Variants in SORCS2 observed in about 807,000 individuals in gnomAD.
SORCS2 encodes sortilin related VPS10 domain containing receptor 2, also known as VPS10 domain-containing receptor SorCS2.
Under a neutral mutation model 141.6 loss-of-function variants are expected in SORCS2, and 100 were observed. The observed-to-expected ratio is 0.71, with a 90% confidence interval of 0.60 to 0.83. The LOEUF (loss-of-function observed/expected upper bound fraction) is 0.83. SORCS2 is among the 40% of genes least tolerant of loss of function. The pLI, the probability that SORCS2 is intolerant of heterozygous loss-of-function variation, is 0.00. For synonymous variants in SORCS2, 789 were observed against 676.9 expected, an observed-to-expected ratio of 1.17 and a Z score of -2.57; for missense variants, 1,646 against 1,560.2, an observed-to-expected ratio of 1.05 and a Z score of -0.93.
intron 2 of SORCS2, among the ~76,000 whole-genome samples, chr4:7,500,256 G>A (rs1018377511): frequency 3.3e-5 from 5 of 152,076 alleles, no homozygotes; most frequent in East Asian, 3.9e-4. Flanking sequence ...GGGAGGTCAC[G>A]CCTGGAGGAG....
intron 3 of SORCS2, among the ~76,000 whole-genome samples, chr4:7,632,156 C>A (rs773618857): frequency 7.2e-5 from 11 of 152,184 alleles, no homozygotes; most frequent in Non-Finnish European, 1.3e-4. Flanking sequence ...TGTGTCTGCC[C>A]CTGACCATTT....
At chr4:7,209,111 G>A (rs998045339) in intron 1 of SORCS2, among the ~76,000 whole-genome samples, 17 of 152,236 alleles carry the variant, frequency 1.1e-4, no homozygotes, top group African/African-American at 4.1e-4. Context: ...TTCCCTAGGA[G>A]GGAAAGGACA....
At chr4:7,674,934 C>T (rs532602864) in intron 8 of SORCS2, among the ~76,000 whole-genome samples, 3 of 152,298 alleles carry the variant, frequency 2.0e-5, no homozygotes, top group South Asian at 2.1e-4. Flanking sequence ...TGGGGCCAGC[C>T]GGACCCTCCT....
At chr4:7,643,834 G>A (rs922496456) in intron 4 of SORCS2, among the ~76,000 whole-genome samples, 22 of 152,260 alleles carry the variant, frequency 1.4e-4, no homozygotes, top group African/African-American at 5.3e-4. Context: ...ATATCAGCAG[G>A]TTCATGAACT....
At chr4:7,285,705 C>T (rs186654050) in intron 1 of SORCS2, among the ~76,000 whole-genome samples, 23 of 152,340 alleles carry the variant, frequency 1.5e-4, no homozygotes, top group East Asian at 7.7e-4. Context: ...TCTTCCTTCT[C>T]GCTGGAGGAC....
At chr4:7,531,424 G>T in intron 2 of SORCS2, 106 bp from the exon 3 acceptor site, 1 of 1,015,092 alleles carries the variant, frequency 9.9e-7, no homozygotes, top group Non-Finnish European at 1.5e-6. Flanking sequence ...GGGTGTCTGG[G>T]GCACTCGGCC....
chr4:7,727,945 G>T (rs1185947498), intron 21 of SORCS2, among the ~76,000 whole-genome samples: 4 of 152,240 alleles, frequency 2.6e-5, no homozygotes, highest in Admixed American at 6.5e-5. Context: ...ATCCCTGATG[G>T]ATGAGAGGCT....
At chr4:7,472,184 C>A (rs1404757891) in intron 2 of SORCS2, among the ~76,000 whole-genome samples, 1 of 151,634 alleles carries the variant, frequency 6.6e-6, no homozygotes, top group Non-Finnish European at 1.5e-5. Context: ...ACAGAGGGGC[C>A]TCAGACCCAA....
chr4:7,624,650 A>AG (rs1719408825), intron 3 of SORCS2, among the ~76,000 whole-genome samples: 1 of 152,256 alleles, frequency 6.6e-6, no homozygotes, highest in Non-Finnish European at 1.5e-5. Flanking sequence ...CTGTTCAATT[A>AG]GGGGGCAGAT....
intron 3 of SORCS2, among the ~76,000 whole-genome samples, chr4:7,555,321 A>G (rs1714028934): frequency 6.6e-6 from 1 of 152,240 alleles, no homozygotes; most frequent in Admixed American, 6.5e-5. Flanking sequence ...AGCAGGCAGC[A>G]TCCTGAGGGC....
chr4:7,632,787 G>C (rs528533953), intron 3 of SORCS2, among the ~76,000 whole-genome samples: 1 of 152,330 alleles, frequency 6.6e-6, no homozygotes, highest in African/African-American at 2.4e-5. Context: ...GCCAGGCTGA[G>C]AGGCTGGCAG....
chr4:7,546,588 C>T (rs764437117), intron 3 of SORCS2, among the ~76,000 whole-genome samples: 35 of 152,052 alleles, frequency 2.3e-4, no homozygotes, highest in Non-Finnish European at 5.0e-4. Context: ...AGGGAACCCA[C>T]GTGTGCAGGG....
chr4:7,587,663 G>A (rs910511930), intron 3 of SORCS2, among the ~76,000 whole-genome samples: 2 of 152,160 alleles, frequency 1.3e-5, no homozygotes, highest in Non-Finnish European at 2.9e-5. Context: ...CAGCGTCTTC[G>A]CCTCCCAGGG....
At position 7,433,763 on chromosome 4, in the gene SORCS2, G is replaced by A. The variant is rs751086380; in HGVS notation, c.548+37408G>A. On this transcript the variant is annotated intron_variant, in intron 2 of 26. Coordinates refer to ENST00000507866, the MANE Select transcript of SORCS2 (RefSeq NM_020777.3). Reference sequence around the variant, plus strand: ...ATGGCATAGGCATCATGGACTGCCCGGGCCCGCCTCCGGTTGCCACACAGA... The same window carrying A: ...ATGGCATAGGCATCATGGACTGCCCAGGCCCGCCTCCGGTTGCCACACAGA... 98 of 1,613,182 alleles carry A rather than the reference G, an allele frequency of 6.1e-5. 1 individual carries two copies. Among genetic ancestry groups the A allele is most frequent in the Middle Eastern group, 1.6e-4 (1 of 6,084 alleles).
chr4:7,553,762 G>A (rs1210161575), intron 3 of SORCS2, among the ~76,000 whole-genome samples: 1 of 152,208 alleles, frequency 6.6e-6, no homozygotes, highest in Admixed American at 6.5e-5. Flanking sequence ...AAAAGCTATT[G>A]TCTCAAACCT....
At chr4:7,714,458 G>C in intron 16 of SORCS2, 85 bp downstream of exon 16, 2 of 1,442,664 alleles carry the variant, frequency 1.4e-6, no homozygotes, top group South Asian at 2.6e-5. Context: ...CAGAGTGAGG[G>C]AGGAAGCCTC....
chr4:7,607,032 G>A (rs911363466), intron 3 of SORCS2, among the ~76,000 whole-genome samples: 2 of 152,124 alleles, frequency 1.3e-5, no homozygotes, highest in African/African-American at 4.8e-5. Context: ...TTCACTACCA[G>A]CCTTCAGCTC....
At chr4:7,333,352 C>T (rs62279102) in intron 1 of SORCS2, among the ~76,000 whole-genome samples, 28,085 of 152,206 alleles carry the variant, frequency 0.18, 2,879 homozygotes, top group East Asian at 0.33. Context: ...TGCAGTTACC[C>T]ATGAAGCTGC....
intron 3 of SORCS2, among the ~76,000 whole-genome samples, chr4:7,614,608 AC>A (rs1718635126): frequency 6.9e-6 from 1 of 144,348 alleles, no homozygotes; most frequent in Non-Finnish European, 1.5e-5. Context: ...CCACCTATCC[AC>A]CTATCCACCA....
Sources: gnomAD v4.1 joint callset for allele counts (sites outside exome capture counted in the v4.1 genomes callset) on GRCh38, gnomAD v4.1.1 for gene constraint, MANE v1.5 for transcripts, NCBI Gene and HGNC (gene_info 2026-07-23, HGNC 2026-07-21) for gene names.